Variants in PRKAG2 observed in about 807,000 individuals in gnomAD.
PRKAG2 encodes the protein protein kinase AMP-activated non-catalytic subunit gamma 2.
Under a neutral mutation model 69.6 loss-of-function variants are expected in PRKAG2, and 26 were observed. The observed-to-expected ratio is 0.37, with a 90% CI of 0.27 to 0.52. The LOEUF is 0.52. Among genes scored for constraint, PRKAG2 ranks in the 20% least tolerant of loss-of-function variants. PRKAG2 has a pLI of 0.90. For missense variants in PRKAG2, 557 were observed against 740.0 expected, an observed-to-expected ratio of 0.75 and a Z score of 2.87; for synonymous variants, 293 against 285.0, an observed-to-expected ratio of 1.03 and a Z score of -0.28.
chr7:151,595,285 G>A, intron 6 of PRKAG2, 60 bp downstream of exon 6: 4 of 1,209,080 alleles, frequency 3.3e-6, no homozygotes, highest in Non-Finnish European at 4.8e-6. Flanking sequence ...TTAAATTACT[G>A]TATAAAGTAG....
At chr7:151,876,409 G>T in intron 1 of PRKAG2, 98 bp downstream of exon 1, 1 of 1,217,576 alleles carries the variant, frequency 8.2e-7, no homozygotes, top group Non-Finnish European at 1.2e-6. Context: ...GGAGGGGCAC[G>T]CACGGCGCGC....
chr7:151,705,114 T>C (rs1161663083), intron 3 of PRKAG2, among the ~76,000 whole-genome samples: 1 of 152,222 alleles, frequency 6.6e-6, no homozygotes, highest in Non-Finnish European at 1.5e-5. Flanking sequence ...TTCAACCTTC[T>C]GATAAAACGT....
intron 3 of PRKAG2, among the ~76,000 whole-genome samples, chr7:151,688,081 A>G (rs1013812812): frequency 1.5e-5 from 2 of 136,254 alleles, no homozygotes; most frequent in African/African-American, 5.4e-5. Context: ...CATGGTGACT[A>G]CTGTCATTTC....
intron 3 of PRKAG2, among the ~76,000 whole-genome samples, chr7:151,714,783 C>G (rs1471667726): frequency 1.3e-5 from 2 of 151,490 alleles, no homozygotes; most frequent in African/African-American, 2.4e-5. Context: ...AACCTCATCT[C>G]TACTAAAAAT....
chr7:151,712,030 G>A (rs1585975080), intron 3 of PRKAG2, among the ~76,000 whole-genome samples: 3 of 152,338 alleles, frequency 2.0e-5, no homozygotes, highest in Middle Eastern at 3.4e-3. Flanking sequence ...TGGAGGAGGT[G>A]TACAGATCCC....
rs60123822 is a variant in PRKAG2, at chr7:151,863,903, C to CA, written c.114+12603dup. ...TGGACTACAGAGCAAAACCCTGTCT[C>CA]AAAAAAAAAAAAAAGGAACCAAGAA... On this transcript the variant is annotated intron_variant, in intron 1 of 15. Coordinates refer to ENST00000287878, the MANE Select transcript of PRKAG2 (RefSeq NM_016203.4). Among the ~76,000 whole-genome samples, 856 of 143,936 alleles carry CA rather than the reference C, an allele frequency of 5.9e-3. 15 individuals are homozygous for CA. The highest frequency in any genetic ancestry group is 0.036 in the South Asian group (162 of 4,524). The allele number at this position is 143,936 out of a possible 152,430, so 94.4% of individuals were successfully genotyped here.
chr7:151,777,195 G>C lies in PRKAG2; in HGVS notation c.466+3957C>G, dbSNP rs984449853. Among the ~76,000 whole-genome samples the C allele has an allele frequency of 6.6e-6, 1 of 152,208 alleles. No homozygotes were observed. Among genetic ancestry groups the C allele is most frequent in the Non-Finnish European group, 1.5e-5 (1 of 68,026 alleles). On this transcript the variant is annotated intron_variant, in intron 3 of 15. Coordinates refer to ENST00000287878, the MANE Select transcript of PRKAG2 (RefSeq NM_016203.4). The surrounding 1 kb of genome is among the most constrained non-coding windows in gnomAD (Gnocchi z 4.3). Reference sequence around the variant, plus strand: ...TGGCCAGGTTCAGCATGGGCCCCGAGGTCTAGCTCTTCACTGCGGCAGCAC... The same window carrying C: ...TGGCCAGGTTCAGCATGGGCCCCGACGTCTAGCTCTTCACTGCGGCAGCAC...
chr7:151,691,425 T>C (rs1293745668), intron 3 of PRKAG2, among the ~76,000 whole-genome samples: 3 of 150,386 alleles, frequency 2.0e-5, no homozygotes, highest in African/African-American at 4.9e-5. Context: ...AAAGGACTTG[T>C]AGCAGAGTAT....
At chr7:151,826,249 C>T (rs1329861226) in intron 1 of PRKAG2, among the ~76,000 whole-genome samples, 10 of 151,954 alleles carry the variant, frequency 6.6e-5, no homozygotes, top group African/African-American at 1.2e-4. Context: ...GGCGTGACCT[C>T]GGCTCACTGC....
In PRKAG2 at chr7:151,762,658, G is replaced by A. The variant is rs148539669; in HGVS notation, c.466+18494C>T. Among the ~76,000 whole-genome samples, 144 of 152,314 alleles carry A rather than the reference G, an allele frequency of 9.5e-4. 1 individual carries two copies. The highest frequency in any genetic ancestry group is 1.9e-3 in the Non-Finnish European group (126 of 68,024). On this transcript the variant is annotated intron_variant, in intron 3 of 15. Transcript: ENST00000287878. Reference sequence around the variant, plus strand: ...GACCAGCACCTCTGAGCTGTGTGCCGTAGAACAAGCCACTTGCCTTTTGCC... The same window carrying A: ...GACCAGCACCTCTGAGCTGTGTGCCATAGAACAAGCCACTTGCCTTTTGCC...
chr7:151,600,171 G>A (rs773200033), intron 5 of PRKAG2, among the ~76,000 whole-genome samples: 4 of 152,160 alleles, frequency 2.6e-5, no homozygotes, highest in East Asian at 1.9e-4. Context: ...TGCTTTCCCC[G>A]TTCTGCCGAA....
Position 151,835,882 on chromosome 7 carries a change from C to G in PRKAG2, c.114+40625G>C, listed in dbSNP as rs774915374. On this transcript the variant is annotated intron_variant, in intron 1 of 15. Coordinates refer to ENST00000287878, the MANE Select transcript of PRKAG2 (RefSeq NM_016203.4). The surrounding 1 kb of genome is among the most constrained non-coding windows in gnomAD (Gnocchi z 4.1). ...GTGCATCTGTCCCACAAAGGGCAGCCTTTCCGTATTCAAGAGTGGGGTGCA... is the reference window on the plus strand; with the variant it reads ...GTGCATCTGTCCCACAAAGGGCAGCGTTTCCGTATTCAAGAGTGGGGTGCA... Among the ~76,000 whole-genome samples, 37 of 152,176 alleles carry G rather than the reference C, an allele frequency of 2.4e-4. No individual in the cohort carries two copies. The highest frequency in any genetic ancestry group is 1.1e-3 in the Admixed American group (17 of 15,282).
chr7:151,619,230 G>A (rs1820893866), intron 5 of PRKAG2, among the ~76,000 whole-genome samples: 1 of 152,250 alleles, frequency 6.6e-6, no homozygotes, highest in Non-Finnish European at 1.5e-5. Context: ...CCTTTCTCAG[G>A]GAAGAAAACC....
intron 5 of PRKAG2, among the ~76,000 whole-genome samples, chr7:151,597,315 G>C (rs996734495): frequency 2.6e-5 from 4 of 152,140 alleles, no homozygotes; most frequent in Non-Finnish European, 4.4e-5. Context: ...CCCAAACTAC[G>C]AAACTACTAG....
At chr7:151,677,296 C>T (rs1385760833) in intron 3 of PRKAG2, among the ~76,000 whole-genome samples, 3 of 152,180 alleles carry the variant, frequency 2.0e-5, no homozygotes, top group Non-Finnish European at 2.9e-5. Context: ...AAGCGATTCT[C>T]CTGCCTTAGC....
chr7:151,698,801 C>G (rs893945369), intron 3 of PRKAG2, among the ~76,000 whole-genome samples: 1 of 152,188 alleles, frequency 6.6e-6, no homozygotes, highest in African/African-American at 2.4e-5. Flanking sequence ...ACCCTTGTCA[C>G]CAGCTCTGCT....
chr7:151,829,314 A>G (rs767783426), intron 1 of PRKAG2, among the ~76,000 whole-genome samples: 3 of 152,256 alleles, frequency 2.0e-5, no homozygotes, highest in Non-Finnish European at 2.9e-5. Context: ...AACCACAATG[A>G]GACACCACTT....
intron 3 of PRKAG2, among the ~76,000 whole-genome samples, chr7:151,717,625 G>A (rs901433773): frequency 9.9e-5 from 15 of 152,282 alleles, no homozygotes; most frequent in Admixed American, 6.5e-4. Flanking sequence ...ACTGGCTCCC[G>A]TGTGGCCCTG....
intron 2 of PRKAG2, among the ~76,000 whole-genome samples, chr7:151,784,873 G>A (rs1258452846): frequency 1.3e-5 from 2 of 152,304 alleles, no homozygotes; most frequent in South Asian, 2.1e-4. Context: ...TGGATGCTGG[G>A]CCCTGTCTGA....
Sources: gnomAD v4.1 joint callset for allele counts (sites outside exome capture counted in the v4.1 genomes callset) on GRCh38, gnomAD v4.1.1 for gene constraint, Gnocchi (gnomAD v3.1) non-coding constraint, MANE v1.5 for transcripts, NCBI Gene and HGNC (gene_info 2026-07-23, HGNC 2026-07-21) for gene names.